The following SDK1 variants were observed in gnomAD, a reference collection of about 807,000 sequenced individuals.
The protein encoded by SDK1 is protein sidekick-1.
In SDK1, 157 loss-of-function variants were observed where a neutral mutation model predicts 245.5. The observed-to-expected ratio is 0.64, with a 90% confidence interval of 0.56 to 0.73. SDK1 has a LOEUF of 0.73. Ranked by LOEUF, SDK1 falls within the 30% of genes least tolerant of loss-of-function variation. The pLI is 0.00. For synonymous variants in SDK1, 1,647 were observed against 1,278.5 expected (o/e 1.29, Z -6.15); for missense variants, 3,583 against 3,002.3 (o/e 1.19, Z -4.52).
At chr7:4,107,361 G>A (rs939301784) in intron 22 of SDK1, among the ~76,000 whole-genome samples, 67 of 152,240 alleles carry the variant, frequency 4.4e-4, no homozygotes, top group African/African-American at 1.6e-3. Flanking sequence ...ACTTGGCACC[G>A]TGAGCTACGC....
intron 5 of SDK1, among the ~76,000 whole-genome samples, chr7:3,941,062 C>T (rs1363436475): frequency 1.3e-5 from 2 of 152,126 alleles, no homozygotes; most frequent in East Asian, 3.9e-4. Flanking sequence ...ACTCCCAGAC[C>T]CCCGTCTGTC....
intron 4 of SDK1, among the ~76,000 whole-genome samples, chr7:3,803,740 TTCC>T: frequency 6.6e-6 from 1 of 150,820 alleles, no homozygotes; most frequent in Non-Finnish European, 1.5e-5. Flanking sequence ...AACTGGTATT[TTCC>T]TCTTTTTTTT....
intron 41 of SDK1, among the ~76,000 whole-genome samples, chr7:4,234,861 C>T (rs967125060): frequency 6.6e-6 from 1 of 152,158 alleles, no homozygotes; most frequent in African/African-American, 2.4e-5. Flanking sequence ...GCAGGGAGGC[C>T]TCGGCGTTGG....
chr7:3,522,017 A>G (rs1583993039), intron 1 of SDK1, among the ~76,000 whole-genome samples: 1 of 152,124 alleles, frequency 6.6e-6, no homozygotes. Context: ...GGCCACCACA[A>G]TCAGGCATCT....
At chr7:3,733,090 G>A (rs1254721197) in intron 4 of SDK1, among the ~76,000 whole-genome samples, 1 of 152,184 alleles carries the variant, frequency 6.6e-6, no homozygotes, top group African/African-American at 2.4e-5. Context: ...TGGATATTAG[G>A]TAGTTCAGTG....
chr7:3,520,339 C>A (rs1019970977), intron 1 of SDK1, among the ~76,000 whole-genome samples: 1 of 152,168 alleles, frequency 6.6e-6, no homozygotes, highest in East Asian at 1.9e-4. Context: ...GTAAGAACAT[C>A]CTGTGCAGCT....
intron 1 of SDK1, among the ~76,000 whole-genome samples, chr7:3,421,243 TG>T (rs1376541781): frequency 4.6e-5 from 7 of 152,004 alleles, no homozygotes; most frequent in South Asian, 4.2e-4. Flanking sequence ...AGCTAATTTT[TG>T]TAATTTTAAT....
At chr7:4,023,662 G>C (rs528209856) in intron 17 of SDK1, among the ~76,000 whole-genome samples, 4 of 152,344 alleles carry the variant, frequency 2.6e-5, no homozygotes, top group African/African-American at 9.6e-5. Context: ...CTTACTGCCA[G>C]TGTTTACTTC....
intron 4 of SDK1, among the ~76,000 whole-genome samples, chr7:3,697,843 C>T (rs369322699): frequency 1.5e-4 from 23 of 152,262 alleles, no homozygotes; most frequent in African/African-American, 5.1e-4. Flanking sequence ...CCTCTTAACT[C>T]GCACTTTCAG....
intron 2 of SDK1, among the ~76,000 whole-genome samples, chr7:3,627,115 C>G (rs987248430): frequency 6.6e-6 from 1 of 151,952 alleles, no homozygotes; most frequent in Non-Finnish European, 1.5e-5. Context: ...TTTCTGTAGA[C>G]ACAGGGTTTC....
intron 44 of SDK1, among the ~76,000 whole-genome samples, chr7:4,264,562 C>T (rs1246860563): frequency 3.0e-5 from 4 of 132,140 alleles, no homozygotes; most frequent in Non-Finnish European, 4.8e-5. Context: ...TGAGGGAGGC[C>T]GCGTGGACCT....
chr7:3,593,046 A>C (rs558391040), intron 1 of SDK1, among the ~76,000 whole-genome samples: 1 of 152,332 alleles, frequency 6.6e-6, no homozygotes, highest in African/African-American at 2.4e-5. Flanking sequence ...AGTGGAAATC[A>C]GTGGAGATGC....
intron 5 of SDK1, among the ~76,000 whole-genome samples, chr7:3,927,402 C>T (rs1246271458): frequency 1.3e-5 from 2 of 152,062 alleles, no homozygotes; most frequent in East Asian, 1.9e-4. Context: ...GTGTTATATG[C>T]ATCGTACATA....
chr7:3,337,589 C>G (rs899369610), intron 1 of SDK1, among the ~76,000 whole-genome samples: 2 of 152,156 alleles, frequency 1.3e-5, no homozygotes, highest in Non-Finnish European at 2.9e-5. Flanking sequence ...TGTGCCAAGA[C>G]ACATCCTGAT....
At chr7:3,502,495 C>T (rs113307525) in intron 1 of SDK1, among the ~76,000 whole-genome samples, 5,023 of 152,178 alleles carry the variant, frequency 0.033, 285 homozygotes, top group African/African-American at 0.11. Context: ...GGTGATCCAC[C>T]GCCTTGGCCT....
chr7:3,859,285 C>A (rs916712179), intron 5 of SDK1, among the ~76,000 whole-genome samples: 1 of 152,162 alleles, frequency 6.6e-6, no homozygotes, highest in Non-Finnish European at 1.5e-5. Context: ...GGTCTCCTTC[C>A]AAGGTAGCTC....
chr7:4,097,491 A>ACATGC (rs1045336598), intron 22 of SDK1, among the ~76,000 whole-genome samples: 1 of 152,232 alleles, frequency 6.6e-6, no homozygotes, highest in Non-Finnish European at 1.5e-5. Context: ...GGCATCGCAC[A>ACATGC]CATGCCATCC....
At chr7:4,214,101 C>T (rs1784656593) in intron 38 of SDK1, among the ~76,000 whole-genome samples, 1 of 152,158 alleles carries the variant, frequency 6.6e-6, no homozygotes, top group African/African-American at 2.4e-5. Flanking sequence ...GCCACAAAGA[C>T]ATTTGCCCAA....
At chr7:3,500,609 A>G (rs10274012) in intron 1 of SDK1, among the ~76,000 whole-genome samples, 50,660 of 152,006 alleles carry the variant, frequency 0.33, 9,004 homozygotes, top group South Asian at 0.45. Flanking sequence ...AAATTTCACA[A>G]TGATACAGCT....
Sources: allele counts gnomAD v4.1 joint callset (sites outside exome capture counted in the v4.1 genomes callset), GRCh38; gene constraint gnomAD v4.1.1; transcripts MANE v1.5; gene names NCBI Gene and HGNC (gene_info 2026-07-23, HGNC 2026-07-21).